CDH13: variants seen among roughly 807,000 people sequenced by gnomAD.
CDH13 encodes cadherin-13.
A neutral mutation model predicts 63.8 loss-of-function variants in CDH13; 24 were observed. The observed-to-expected ratio is 0.38, with a 90% CI of 0.27 to 0.53. The LOEUF (loss-of-function observed/expected upper bound fraction) is 0.53. Among genes scored for constraint, CDH13 ranks in the 20% least tolerant of loss-of-function variants. The pLI is 0.85. For synonymous variants in CDH13, 503 were observed against 355.3 expected (o/e 1.42, Z -4.67); for missense variants, 1,049 against 903.1 (o/e 1.16, Z -2.07).
At chr16:83,086,173 C>G (rs991205082) in intron 3 of CDH13, among the ~76,000 whole-genome samples, 1 of 152,200 alleles carries the variant, frequency 6.6e-6, no homozygotes, top group Non-Finnish European at 1.5e-5. Flanking sequence ...CAGTTCACTA[C>G]ATGTTTAAGG....
chr16:83,336,432 T>TA (rs2090599538), intron 5 of CDH13, among the ~76,000 whole-genome samples: 1 of 152,124 alleles, frequency 6.6e-6, no homozygotes, highest in Non-Finnish European at 1.5e-5. Flanking sequence ...GCATCTACGC[T>TA]AAAAAACATT....
intron 2 of CDH13, among the ~76,000 whole-genome samples, chr16:82,982,297 C>A (rs1910375605): frequency 6.6e-6 from 1 of 151,980 alleles, no homozygotes; most frequent in Non-Finnish European, 1.5e-5. Context: ...CCAATAATAT[C>A]TACAAGTTGA....
chr16:82,740,237 T>A (rs892499684), intron 1 of CDH13, among the ~76,000 whole-genome samples: 3 of 152,212 alleles, frequency 2.0e-5, no homozygotes, highest in African/African-American at 7.2e-5. Context: ...AATAGTTGAT[T>A]GATTTCTTAT....
intron 6 of CDH13, among the ~76,000 whole-genome samples, chr16:83,396,154 G>A (rs374354110): frequency 5.3e-5 from 8 of 151,996 alleles, no homozygotes; most frequent in East Asian, 3.9e-4. Context: ...ATAGTATTCC[G>A]TGGTGTATAC....
rs111651326 is a variant in CDH13 at position 82,634,775 on chromosome 16, G to A, written c.45+7638G>A. Reference sequence around the variant, plus strand: ...CTGGGCGTCTTCTCAAATAAGAGGGGCCTGAGAAGTTCAGCCGTTGGGGAC... The same window carrying A: ...CTGGGCGTCTTCTCAAATAAGAGGGACCTGAGAAGTTCAGCCGTTGGGGAC... On this transcript the variant is annotated intron_variant, in intron 1 of 13. Transcript: ENST00000567109. Among the ~76,000 whole-genome samples the A allele has an allele frequency of 1.4e-3, 214 of 152,270 alleles. 1 individual carries two copies. The highest frequency in any genetic ancestry group is 4.7e-3 in the African/African-American group (197 of 41,554).
At chr16:82,686,276 G>T (rs906371152) in intron 1 of CDH13, among the ~76,000 whole-genome samples, 22 of 152,236 alleles carry the variant, frequency 1.4e-4, no homozygotes, top group African/African-American at 4.6e-4. Flanking sequence ...AGAACAGGAA[G>T]TCACCTTAGC....
rs550210977 is a variant in CDH13 at position 83,779,385 on chromosome 16, C to T, written c.1682-583C>T. Among the ~76,000 whole-genome samples the T allele has an allele frequency of 1.4e-3, 156 of 113,406 alleles. 2 individuals carry two copies. Among genetic ancestry groups the T allele is most frequent in the South Asian group, 9.1e-3 (30 of 3,302 alleles). The allele number at this position is 113,406 out of a possible 152,430, so 74.4% of individuals were successfully genotyped here. A position where few individuals can be genotyped will look rare whatever the true frequency, so the allele number is the denominator to read the frequency against. ...TTGCGCCATTGCACTCCAGCCCGGG[C>T]GACAGCGCGAGACTCCATCTCAAAA... On this transcript the variant is annotated intron_variant, in intron 11 of 13. Transcript: ENST00000567109.
At chr16:83,303,802 A>G (rs2089807548) in intron 5 of CDH13, among the ~76,000 whole-genome samples, 1 of 152,100 alleles carries the variant, frequency 6.6e-6, no homozygotes, top group Admixed American at 6.5e-5. Flanking sequence ...GATCCCCAAT[A>G]CCAGAATTAA....
intron 5 of CDH13, among the ~76,000 whole-genome samples, chr16:83,340,305 A>AGTGTGT (rs147527566): frequency 0.47 from 71,307 of 150,184 alleles, 16,948 homozygotes; most frequent in South Asian, 0.61. Context: ...CCTACATCTG[A>AGTGTGT]GTGTGTGTGT....
chr16:83,079,182 C>T (rs967013288), intron 3 of CDH13, among the ~76,000 whole-genome samples: 12 of 152,160 alleles, frequency 7.9e-5, no homozygotes, highest in African/African-American at 2.4e-5. Flanking sequence ...CAGTTTTCTA[C>T]AGGAGAATTG....
rs542767091 is a variant in CDH13 at position 83,271,199 on chromosome 16, G to C, written c.636+53702G>C. ...GCCCTATCCCCAGAAGCTCCTCAAA[G>C]AAAACAGTACAACTGAATCACATAT... On this transcript the variant is annotated intron_variant, in intron 5 of 13. Coordinates refer to ENST00000567109, the MANE Select transcript of CDH13 (RefSeq NM_001257.5). 1.1e-4 allele frequency among the ~76,000 whole-genome samples: 17 copies of C among 151,894 alleles called. No homozygotes were observed. The South Asian group carries it at 3.5e-3, about 32-fold the overall frequency.
At chr16:83,493,879 C>G (rs1165650981) in intron 7 of CDH13, among the ~76,000 whole-genome samples, 1 of 152,174 alleles carries the variant, frequency 6.6e-6, no homozygotes, top group Non-Finnish European at 1.5e-5. Context: ...CAGGTTGAGA[C>G]TGACAAGTTG....
At chr16:83,553,026 C>A (rs1258512815) in intron 7 of CDH13, among the ~76,000 whole-genome samples, 3 of 150,930 alleles carry the variant, frequency 2.0e-5, no homozygotes, top group Non-Finnish European at 4.4e-5. Flanking sequence ...TTGCAGTGAG[C>A]TGAGATCGCG....
At chr16:82,781,089 G>T (rs766363701) in intron 1 of CDH13, among the ~76,000 whole-genome samples, 7 of 152,172 alleles carry the variant, frequency 4.6e-5, no homozygotes, top group Non-Finnish European at 1.0e-4. Context: ...TTTTTTAAGT[G>T]TATCTTCTGA....
intron 2 of CDH13, among the ~76,000 whole-genome samples, chr16:82,896,691 G>A (rs2041279190): frequency 6.7e-6 from 1 of 149,874 alleles, no homozygotes; most frequent in African/African-American, 2.4e-5. Flanking sequence ...TGTCAGACCA[G>A]ATGCAGGTCT....
At chr16:83,026,199 G>C (rs1474609373) in intron 2 of CDH13, among the ~76,000 whole-genome samples, 1 of 152,206 alleles carries the variant, frequency 6.6e-6, no homozygotes, top group African/African-American at 2.4e-5. Flanking sequence ...GATCCCAAAG[G>C]GGTTTGTGAG....
intron 1 of CDH13, among the ~76,000 whole-genome samples, chr16:82,790,109 C>A (rs183364882): frequency 1.3e-5 from 2 of 152,004 alleles, no homozygotes; most frequent in Non-Finnish European, 2.9e-5. Context: ...ATGCCTACAC[C>A]CCCCCTCGCA....
chr16:83,285,801 G>T lies in CDH13; in HGVS notation c.637-59061G>T, dbSNP rs767217477. 2.0e-5 allele frequency among the ~76,000 whole-genome samples: 3 copies of T among 152,130 alleles called. No homozygotes were observed. The South Asian group carries it at 6.2e-4, about 32-fold the overall frequency. ...GGATTCTAGAGCACATTCTGAGTTT[G>T]TTGGCAGTTTTATTAATCATATTTG... On this transcript the variant is annotated intron_variant, in intron 5 of 13. Transcript: ENST00000567109.
intron 5 of CDH13, among the ~76,000 whole-genome samples, chr16:83,268,190 T>A (rs1296197841): frequency 6.6e-6 from 1 of 152,214 alleles, no homozygotes; most frequent in Non-Finnish European, 1.5e-5. Flanking sequence ...ACATTAACTG[T>A]ACTGCAGTTT....
Sources: gnomAD v4.1 joint callset for allele counts (sites outside exome capture counted in the v4.1 genomes callset) on GRCh38, gnomAD v4.1.1 for gene constraint, MANE v1.5 for transcripts, NCBI Gene and HGNC (gene_info 2026-07-23, HGNC 2026-07-21) for gene names.